The following ATF1 variants were observed in gnomAD, a reference collection of about 807,000 sequenced individuals.
The protein encoded by ATF1 is activating transcription factor 1.
Under a neutral mutation model 34.7 loss-of-function variants are expected in ATF1, and 16 were observed. The ratio of observed to expected loss-of-function variants is 0.46; its 90% CI spans 0.31 to 0.70. The LOEUF (loss-of-function observed/expected upper bound fraction) is 0.70. ATF1 is among the 30% of genes least tolerant of loss of function. The pLI, the probability that ATF1 is intolerant of heterozygous loss-of-function variation, is 0.05. For synonymous variants in ATF1, 105 were observed against 113.1 expected (o/e 0.93, Z 0.46); for missense variants, 255 against 321.6 (o/e 0.79, Z 1.58).
chr12:50,774,170 T>C (rs934095905), intron 1 of ATF1, among the ~76,000 whole-genome samples: 1 of 152,124 alleles, frequency 6.6e-6, no homozygotes, highest in Admixed American at 6.5e-5. Flanking sequence ...TAGCTGGAAT[T>C]ACAGGCATGT....
chr12:50,803,597 T>C (rs529821807), intron 3 of ATF1, among the ~76,000 whole-genome samples: 16 of 152,252 alleles, frequency 1.1e-4, no homozygotes, highest in African/African-American at 3.6e-4. Context: ...ATGCTACTTA[T>C]ATACCCAAGA....
At chr12:50,782,554 C>CTTTTT (rs1192258164) in intron 2 of ATF1, among the ~76,000 whole-genome samples, 9 of 124,894 alleles carry the variant, frequency 7.2e-5, no homozygotes, top group African/African-American at 9.1e-5. Context: ...CACACCCGGC[C>CTTTTT]TTTTTTTTTT....
chr12:50,777,760 A>C (rs1006536250), intron 1 of ATF1, among the ~76,000 whole-genome samples: 1 of 146,974 alleles, frequency 6.8e-6, no homozygotes, highest in Non-Finnish European at 1.5e-5. Flanking sequence ...CAGCCTGGGC[A>C]ACAGTGTGAG....
intron 1 of ATF1, among the ~76,000 whole-genome samples, chr12:50,778,514 C>T (rs928566739): frequency 9.2e-5 from 14 of 152,206 alleles, no homozygotes; most frequent in African/African-American, 1.4e-4. Flanking sequence ...TGAGCCACCG[C>T]GCCTGGCCAT....
At chr12:50,791,837 A>G (rs1297914895) in intron 2 of ATF1, among the ~76,000 whole-genome samples, 1 of 152,192 alleles carries the variant, frequency 6.6e-6, no homozygotes, top group Non-Finnish European at 1.5e-5. Flanking sequence ...GCATTTTATC[A>G]TGGTATTTCC....
intron 6 of ATF1, among the ~76,000 whole-genome samples, chr12:50,815,581 G>A (rs1467929907): frequency 6.6e-6 from 1 of 151,626 alleles, no homozygotes; most frequent in Non-Finnish European, 1.5e-5. Flanking sequence ...TAGAGGTGGG[G>A]TTTTGCCATG....
intron 1 of ATF1, among the ~76,000 whole-genome samples, chr12:50,767,834 C>G (rs1940675990): frequency 6.6e-6 from 1 of 151,990 alleles, no homozygotes; most frequent in Non-Finnish European, 1.5e-5. Flanking sequence ...TCAACAGAGA[C>G]TGCCCTGTGC....
intron 1 of ATF1, among the ~76,000 whole-genome samples, chr12:50,768,428 G>A (rs146312130): frequency 6.6e-5 from 10 of 152,308 alleles, no homozygotes; most frequent in African/African-American, 2.4e-4. Context: ...AATTAAAAGT[G>A]GATATTCAAG....
chr12:50,795,749 A>G (rs2139671017), intron 2 of ATF1, among the ~76,000 whole-genome samples, 160 bp from the exon 3 acceptor site: 1 of 152,110 alleles, frequency 6.6e-6, no homozygotes, highest in Middle Eastern at 3.4e-3. Flanking sequence ...AAACTTTCTC[A>G]TTTTTCCTTT....
intron 1 of ATF1, among the ~76,000 whole-genome samples, chr12:50,768,313 T>G (rs1250442886): frequency 6.6e-6 from 1 of 152,200 alleles, no homozygotes; most frequent in Non-Finnish European, 1.5e-5. Context: ...TCTAAGCACC[T>G]GGGAGGTTAC....
rs1028042494 is a variant in ATF1, at chr12:50,809,978, C to T, written c.328+389C>T. Among the ~76,000 whole-genome samples, 5 of 152,092 alleles carry T rather than the reference C, an allele frequency of 3.3e-5. No homozygotes were observed. The South Asian group carries it at 6.2e-4, about 19-fold the overall frequency. The stretch of plus-strand genomic sequence containing the variant: ...CCTCCGGAGTAGCTGGGATTACAGG[C>T]GTGTGCCACCACGCCCGGCTAATTT... On this transcript the variant is annotated intron_variant, in intron 4 of 6. Coordinates refer to ENST00000262053, the MANE Select transcript of ATF1 (RefSeq NM_005171.5).
intron 1 of ATF1, among the ~76,000 whole-genome samples, chr12:50,766,401 C>A (rs941074865): frequency 2.0e-5 from 3 of 152,138 alleles, no homozygotes; most frequent in African/African-American, 7.2e-5. Context: ...AACTGCTGTT[C>A]TCTTTGGATT....
chr12:50,813,439 T>G, intron 4 of ATF1, among the ~76,000 whole-genome samples: 1 of 152,324 alleles, frequency 6.6e-6, no homozygotes, highest in East Asian at 1.9e-4. Context: ...CAGAAATATT[T>G]TAAAGTAATA....
Position 50,814,261 on chromosome 12 carries a change from A to C in ATF1, c.512-19A>C. 3 of 1,613,774 alleles carry C rather than the reference A, an allele frequency of 1.9e-6. No homozygotes were observed. The South Asian group carries it at 3.3e-5, about 18-fold the overall frequency. The stretch of plus-strand genomic sequence containing the variant: ...GAGACACTTACTAACTAACTCATTC[A>C]CTCTTGTTTACCATCTAGCTGCATC... On this transcript the variant is annotated intron_variant, in intron 5 of 6. Coordinates refer to ENST00000262053, the MANE Select transcript of ATF1 (RefSeq NM_005171.5).
upstream of ATF1, chr12:50,763,735 T>C (rs994562999): frequency 2.0e-5 from 3 of 151,064 alleles, no homozygotes; most frequent in Admixed American, 1.3e-4. Flanking sequence ...TCAAGGTCAA[T>C]TGGCAGGTGA....
chr12:50,801,273 G>A (rs774750790), intron 3 of ATF1, among the ~76,000 whole-genome samples: 50 of 152,112 alleles, frequency 3.3e-4, no homozygotes, highest in Non-Finnish European at 1.0e-4. Context: ...GTGATTCTAT[G>A]TAGACTATAA....
chr12:50,796,472 G>A (rs764908725), intron 3 of ATF1, among the ~76,000 whole-genome samples: 3 of 152,008 alleles, frequency 2.0e-5, no homozygotes, highest in Non-Finnish European at 4.4e-5. Context: ...AGGCTGAGGC[G>A]GGCAGATCAC....
chr12:50,784,970 A>C (rs951254057), intron 2 of ATF1, among the ~76,000 whole-genome samples: 9 of 151,672 alleles, frequency 5.9e-5, no homozygotes, highest in African/African-American at 2.2e-4. Context: ...ATATGTATAC[A>C]TGTTCCATGC....
At chr12:50,818,755 A>G (rs148893489) in intron 6 of ATF1, among the ~76,000 whole-genome samples, 297 of 152,266 alleles carry the variant, frequency 2.0e-3, no homozygotes, top group African/African-American at 6.9e-3. Context: ...GATTACAGGC[A>G]TGTGCCACCA....
Sources: gnomAD v4.1 joint callset for allele counts (sites outside exome capture counted in the v4.1 genomes callset) on GRCh38, gnomAD v4.1.1 for gene constraint, MANE v1.5 for transcripts, NCBI Gene and HGNC (gene_info 2026-07-23, HGNC 2026-07-21) for gene names.